Variants in DNM3 observed in about 807,000 individuals in gnomAD.
The protein encoded by DNM3 is dynamin 3.
DNM3 carries 47 observed loss-of-function variants against 101.6 expected under a neutral mutation model. The ratio of observed to expected loss-of-function variants is 0.46; its 90% CI spans 0.37 to 0.59. The LOEUF (loss-of-function observed/expected upper bound fraction) is 0.59, where lower values mean the gene tolerates loss of function less well. DNM3 is among the 20% of genes least tolerant of loss of function. DNM3 has a pLI of 0.00. For synonymous variants in DNM3, 385 were observed against 387.9 expected, an observed-to-expected ratio of 0.99 and a Z score of 0.09; for missense variants, 849 against 1,085.7, an observed-to-expected ratio of 0.78 and a Z score of 3.06.
chr1:172,025,009 C>A (rs1036298871), intron 4 of DNM3, among the ~76,000 whole-genome samples: 1 of 152,218 alleles, frequency 6.6e-6, no homozygotes, highest in South Asian at 2.1e-4. Context: ...TCTAGCTCAG[C>A]GGATCTCACA....
intron 10 of DNM3, among the ~76,000 whole-genome samples, chr1:172,058,684 G>T (rs1005402292): frequency 6.6e-6 from 1 of 152,066 alleles, no homozygotes; most frequent in East Asian, 1.9e-4. Context: ...TCTCTGGGAT[G>T]CATTTAAAGC....
intron 20 of DNM3, chr1:172,399,738 TG>T (rs1014997860): frequency 3.9e-5 from 6 of 152,098 alleles, no homozygotes; most frequent in African/African-American, 1.4e-4. Flanking sequence ...GATTAATAAA[TG>T]GTAATTCTTT....
At chr1:172,005,375 A>G (rs1291162566) in intron 4 of DNM3, among the ~76,000 whole-genome samples, 1 of 152,102 alleles carries the variant, frequency 6.6e-6, no homozygotes, top group African/African-American at 2.4e-5. Flanking sequence ...TTTTTCTATC[A>G]GGAATTGTTA....
intron 11 of DNM3, among the ~76,000 whole-genome samples, chr1:172,074,404 T>C (rs993942277): frequency 2.0e-5 from 3 of 152,138 alleles, no homozygotes; most frequent in Non-Finnish European, 4.4e-5. Flanking sequence ...CCATGGTGGT[T>C]TGCTGCACCT....
intron 4 of DNM3, among the ~76,000 whole-genome samples, chr1:171,995,848 C>T (rs1007705890): frequency 1.3e-5 from 2 of 152,112 alleles, no homozygotes; most frequent in African/African-American, 2.4e-5. Flanking sequence ...ATCTTATCCA[C>T]CAAGGTACAT....
At chr1:172,276,556 A>AGTGTGTGTGTGTGT (rs1557919059) in intron 15 of DNM3, among the ~76,000 whole-genome samples, 39 of 18,652 alleles carry the variant, frequency 2.1e-3, no homozygotes, top group African/African-American at 5.0e-3. Context: ...AAAAAATCTT[A>AGTGTGTGTGTGTGT]ATGTGTGTGT....
At chr1:172,133,026 TG>T in intron 14 of DNM3, 1 of 1,504,298 alleles carries the variant, frequency 6.6e-7, no homozygotes, top group Non-Finnish European at 8.9e-7. Context: ...ATCCCAGAGA[TG>T]CCTGGAGTTG....
chr1:172,044,683 C>A (rs984483118), intron 9 of DNM3, among the ~76,000 whole-genome samples: 9 of 152,266 alleles, frequency 5.9e-5, no homozygotes, highest in African/African-American at 2.2e-4. Flanking sequence ...AGCCTGTACT[C>A]TGCACAATAG....
chr1:172,296,707 T>G (rs964177435), intron 15 of DNM3, among the ~76,000 whole-genome samples: 1 of 152,226 alleles, frequency 6.6e-6, no homozygotes, highest in Non-Finnish European at 1.5e-5. Context: ...TTCCTTAATT[T>G]AAAAAAATTC....
rs547162823 is a variant in DNM3, at chr1:172,168,342, GTA to G, written c.1659+37056_1659+37057del. ...TCACTATGGGCTATCATTTCTCCTT[GTA>G]TGTGTTAACACAGAGAATAAAGGAG... On this transcript the variant is annotated intron_variant, in intron 14 of 20. Coordinates refer to ENST00000627582, the MANE Select transcript of DNM3 (RefSeq NM_015569.5). Among the ~76,000 whole-genome samples the G allele has an allele frequency of 2.1e-4, 32 of 151,840 alleles. No homozygotes were observed. In the South Asian group the frequency reaches 6.4e-3, roughly 31 times the overall value.
At chr1:172,183,476 C>T in intron 14 of DNM3, among the ~76,000 whole-genome samples, 1 of 152,042 alleles carries the variant, frequency 6.6e-6, no homozygotes, top group African/African-American at 2.4e-5. Context: ...GGTTTCAAAA[C>T]CCAAATACAC....
chr1:171,981,621 A>G (rs2044799489), intron 2 of DNM3, among the ~76,000 whole-genome samples: 1 of 152,236 alleles, frequency 6.6e-6, no homozygotes, highest in African/African-American at 2.4e-5. Context: ...AATGTTTTAA[A>G]AGGAAATAAA....
chr1:172,257,570 A>C (rs1236677566), intron 15 of DNM3, among the ~76,000 whole-genome samples: 1 of 152,082 alleles, frequency 6.6e-6, no homozygotes, highest in Non-Finnish European at 1.5e-5. Flanking sequence ...CTTTTTGGTT[A>C]ATATTTTTTA....
At chr1:172,367,317 T>C (rs1235047618) in intron 17 of DNM3, among the ~76,000 whole-genome samples, 1 of 151,734 alleles carries the variant, frequency 6.6e-6, no homozygotes, top group Non-Finnish European at 1.5e-5. Context: ...ACTGAGGAAA[T>C]TCATCACCAC....
chr1:171,854,810 G>A (rs966435027), intron 1 of DNM3, among the ~76,000 whole-genome samples: 3 of 151,218 alleles, frequency 2.0e-5, no homozygotes, highest in Non-Finnish European at 2.9e-5. Context: ...CAGGTGATTC[G>A]CCAGCCTCCA....
intron 2 of DNM3, among the ~76,000 whole-genome samples, chr1:171,985,889 G>A (rs143858495): frequency 3.5e-4 from 53 of 152,290 alleles, no homozygotes; most frequent in African/African-American, 1.2e-3. Context: ...GGCCCAGGAA[G>A]GAGACAAACT....
chr1:172,143,901 G>C (rs2057732451), intron 14 of DNM3, among the ~76,000 whole-genome samples: 1 of 152,026 alleles, frequency 6.6e-6, no homozygotes, highest in Non-Finnish European at 1.5e-5. Context: ...TATTATTCCT[G>C]TTGTTTATAT....
At chr1:172,348,125 G>T (rs2067030253) in intron 17 of DNM3, among the ~76,000 whole-genome samples, 1 of 152,058 alleles carries the variant, frequency 6.6e-6, no homozygotes, top group Non-Finnish European at 1.5e-5. Flanking sequence ...TTGGCAGATG[G>T]TATTACATGA....
intron 15 of DNM3, among the ~76,000 whole-genome samples, chr1:172,295,583 A>G (rs1196384227): frequency 6.6e-6 from 1 of 152,178 alleles, no homozygotes; most frequent in Admixed American, 6.5e-5. Flanking sequence ...TGAATTCAAG[A>G]ATGATTTTAA....
Sources: allele counts gnomAD v4.1 joint callset (sites outside exome capture counted in the v4.1 genomes callset), GRCh38; gene constraint gnomAD v4.1.1; transcripts MANE v1.5; gene names NCBI Gene and HGNC (gene_info 2026-07-23, HGNC 2026-07-21).